SLC35E2B: variants seen among roughly 807,000 people sequenced by gnomAD.
SLC35E2B encodes solute carrier family 35 member E2B.
A neutral mutation model predicts 32.4 loss-of-function variants in SLC35E2B; 18 were observed. The observed-to-expected ratio is 0.56, with a 90% CI of 0.38 to 0.82. The LOEUF is 0.82. Among genes scored for constraint, SLC35E2B ranks in the 40% least tolerant of loss-of-function variants. SLC35E2B has a pLI of 0.00. For synonymous variants in SLC35E2B, 132 were observed against 209.1 expected (o/e 0.63, Z 3.18); for missense variants, 263 against 469.5 (o/e 0.56, Z 4.06).
chr1:1,682,538 C>T (rs1176822122), intron 2 of SLC35E2B, among the ~76,000 whole-genome samples: 4 of 152,214 alleles, frequency 2.6e-5, no homozygotes, highest in African/African-American at 4.8e-5. Context: ...CAGAAACGCA[C>T]GACTCGGCTC....
rs118148387 is a variant in SLC35E2B at position 1,668,775 on chromosome 1, A to G, written c.835-303T>C. Among the ~76,000 whole-genome samples the G allele has an allele frequency of 2.0e-3, 303 of 152,260 alleles. 5 individuals carry two copies. In the East Asian group the frequency reaches 0.041, roughly 20 times the overall value. On this transcript the variant is annotated intron_variant, in intron 8 of 9. Coordinates refer to ENST00000617444, the MANE Select transcript of SLC35E2B (RefSeq NM_001290264.2). ...TCAGGAAAATGCAACAGAAACCCCA[A>G]TGCGGGGCCGGGCATGGCCAGTCTG...
Position 1,684,789 on chromosome 1 carries a change from CAAAA to C in SLC35E2B, c.-148+6183_-148+6186del, listed in dbSNP as rs1175219653. Among the ~76,000 whole-genome samples, 23 of 23,730 alleles carry C rather than the reference CAAAA, an allele frequency of 9.7e-4. 2 individuals are homozygous for C. The East Asian group carries it at 0.023, about 24-fold the overall frequency. 15.6% of individuals were successfully genotyped at this position (23,730 alleles called of 152,430 possible). On this transcript the variant is annotated intron_variant, in intron 2 of 9. Transcript: ENST00000617444. ...TGGGCAACAGAGCGAGACTCCATCT[CAAAA>C]AAAAAAAAAAAAAAAAAAAAACAGG...
chr1:1,663,522 G>A lies in SLC35E2B; in HGVS notation c.*2260C>T, dbSNP rs554533727. The A allele has an allele frequency of 4.7e-3, 3,390 of 719,728 alleles. 85 individuals carry two copies. Among genetic ancestry groups the A allele is most frequent in the Middle Eastern group, 0.012 (16 of 1,390 alleles). 44.6% of individuals were successfully genotyped at this position (719,728 alleles called of 1,614,324 possible). A position where few individuals can be genotyped will look rare whatever the true frequency, so the allele number is the denominator to read the frequency against. On this transcript the variant is annotated 3_prime_UTR_variant, in exon 10 of 10. Transcript: ENST00000617444. The stretch of plus-strand genomic sequence containing the variant: ...ATCTTGCCCTGTTGCCCAGGCTGGA[G>A]TGCAATGGCACGATCTTGGCTCACT...
chr1:1,688,098 G>C (rs971315642), intron 2 of SLC35E2B, among the ~76,000 whole-genome samples: 4 of 151,936 alleles, frequency 2.6e-5, no homozygotes, highest in Admixed American at 2.6e-4. Context: ...GAAAGGCAGA[G>C]TACGTAACAC....
At chr1:1,684,510 G>A (rs1643927812) in intron 2 of SLC35E2B, among the ~76,000 whole-genome samples, 1 of 152,068 alleles carries the variant, frequency 6.6e-6, no homozygotes, top group Non-Finnish European at 1.5e-5. Context: ...CATCCCAGGA[G>A]GCTGGGCACA....
At position 1,668,487 on chromosome 1, in the gene SLC35E2B, A is replaced by G; in HGVS notation, c.835-15T>C. 1.2e-6 allele frequency: 2 copies of G among 1,613,968 alleles called. No homozygotes were observed. Among genetic ancestry groups the G allele is most frequent in the Non-Finnish European group, 1.7e-6 (2 of 1,179,984 alleles). ...ACTGGGACGTCCTATGTGGCAAACA[A>G]AAGGGTACTCTATCGGTTTCCATTT... On this transcript the variant is annotated splice_polypyrimidine_tract_variant and intron_variant, in intron 8 of 9. Transcript: ENST00000617444.
intron 9 of SLC35E2B, among the ~76,000 whole-genome samples, chr1:1,666,876 C>T (rs1437210981): frequency 6.6e-6 from 1 of 152,132 alleles, no homozygotes; most frequent in Non-Finnish European, 1.5e-5. Context: ...GAGGCCGAGG[C>T]GGGCGGATCG....
chr1:1,681,466 C>A (rs1475708071), intron 2 of SLC35E2B, among the ~76,000 whole-genome samples: 1 of 151,456 alleles, frequency 6.6e-6, no homozygotes, highest in Non-Finnish European at 1.5e-5. Context: ...CTAGGCCTCC[C>A]AAAGTGCTGG....
chr1:1,685,988 C>T lies in SLC35E2B; in HGVS notation c.-148+4988G>A, dbSNP rs371748470. On this transcript the variant is annotated intron_variant, in intron 2 of 9. Coordinates refer to ENST00000617444, the MANE Select transcript of SLC35E2B (RefSeq NM_001290264.2). ...CTGGGATTACAGGCACCCGCCACCA[C>T]GCCCAGTGAATTTTTGTATTTTCAT... 6.0e-5 allele frequency among the ~76,000 whole-genome samples: 9 copies of T among 149,588 alleles called. No homozygotes were observed. In the South Asian group the frequency reaches 1.1e-3, roughly 18 times the overall value.
At chr1:1,666,094 A>G in intron 9 of SLC35E2B, 75 bp from the exon 10 acceptor site, 1 of 1,479,318 alleles carries the variant, frequency 6.8e-7, no homozygotes, top group Non-Finnish European at 9.1e-7. Context: ...AGCTCGGCTG[A>G]GCCTGGGTCT....
chr1:1,663,156 C>T lies in SLC35E2B; in HGVS notation c.*2626G>A. The T allele has an allele frequency of 1.1e-6, 1 of 921,726 alleles. No homozygotes were observed. The allele number at this position is 921,726 out of a possible 1,614,324, so 57.1% of individuals were successfully genotyped here. A position where few individuals can be genotyped will look rare whatever the true frequency, so the allele number is the denominator to read the frequency against. ...CTTCTGCCAGGATGAGGAAGAGGCCCCAGAGCAGCGTTACACAGGAAATTA... is the reference window on the plus strand; with the variant it reads ...CTTCTGCCAGGATGAGGAAGAGGCCTCAGAGCAGCGTTACACAGGAAATTA... On this transcript the variant is annotated 3_prime_UTR_variant, in exon 10 of 10. Transcript: ENST00000617444.
intron 5 of SLC35E2B, among the ~76,000 whole-genome samples, chr1:1,674,843 C>A (rs1409717551): frequency 1.3e-5 from 2 of 152,106 alleles, no homozygotes; most frequent in Non-Finnish European, 2.9e-5. Context: ...ACGTGTGCAC[C>A]CCCCGACTCC....
intron 2 of SLC35E2B, among the ~76,000 whole-genome samples, chr1:1,684,133 C>G (rs2101115034): frequency 6.6e-6 from 1 of 152,262 alleles, no homozygotes. Flanking sequence ...GACGCTTGCC[C>G]CAGTGCACTG....
intron 2 of SLC35E2B, among the ~76,000 whole-genome samples, chr1:1,679,754 C>A (rs574200587): frequency 2.0e-5 from 3 of 150,294 alleles, no homozygotes; most frequent in African/African-American, 7.4e-5. Context: ...ATCACTTGAA[C>A]CTGGAAGGCA....
Position 1,663,908 on chromosome 1 carries a change from G to A in SLC35E2B, c.*1874C>T. 2 of 772,926 alleles carry A rather than the reference G, an allele frequency of 2.6e-6. No homozygotes were observed. Among genetic ancestry groups the A allele is most frequent in the South Asian group, 5.4e-5 (1 of 18,476 alleles). The allele number at this position is 772,926 out of a possible 1,614,324, so 47.9% of individuals were successfully genotyped here. A position where few individuals can be genotyped will look rare whatever the true frequency, so the allele number is the denominator to read the frequency against. On this transcript the variant is annotated 3_prime_UTR_variant, in exon 10 of 10. Transcript: ENST00000617444. ...GGTCAGCGGTTTTATAGAAGCGGCT[G>A]AAGCAGGTGTAGTAGCCCACGCCTA...
chr1:1,666,741 T>C (rs1235789000), intron 9 of SLC35E2B, among the ~76,000 whole-genome samples: 2 of 148,732 alleles, frequency 1.3e-5, no homozygotes, highest in East Asian at 2.0e-4. Context: ...TGTGGGAGGC[T>C]GGGCGTGGGG....
intron 6 of SLC35E2B, 127 bp from the exon 7 acceptor site, chr1:1,670,278 C>T (rs780768675): frequency 4.6e-5 from 31 of 673,376 alleles, no homozygotes; most frequent in South Asian, 4.2e-4. Context: ...CCCGCCACCA[C>T]GCCTGGTTAC....
chr1:1,669,562 A>G (rs1424568035), intron 8 of SLC35E2B, 102 bp downstream of exon 8: 3 of 1,270,328 alleles, frequency 2.4e-6, no homozygotes, highest in Non-Finnish European at 3.2e-6. Flanking sequence ...GCTGGGCCCA[A>G]CCAGCCAGCA....
chr1:1,670,637 G>A (rs555096240), intron 6 of SLC35E2B: 1 of 152,630 alleles, frequency 6.6e-6, no homozygotes, highest in East Asian at 2.0e-4. Flanking sequence ...TAGCCAGGAT[G>A]GTCTCGATCT....
Sources: gnomAD v4.1 joint callset for allele counts (sites outside exome capture counted in the v4.1 genomes callset) on GRCh38, gnomAD v4.1.1 for gene constraint, MANE v1.5 for transcripts, NCBI Gene and HGNC (gene_info 2026-07-23, HGNC 2026-07-21) for gene names.